Variants in DLG2 observed in about 807,000 individuals in gnomAD.
DLG2 encodes the protein discs large MAGUK scaffold protein 2, also known as disks large homolog 2.
A neutral mutation model predicts 132.5 loss-of-function variants in DLG2; 45 were observed. That is an observed-to-expected ratio of 0.34 (90% CI 0.27 to 0.44). DLG2 has a LOEUF of 0.44. DLG2 is among the 20% of genes least tolerant of loss of function. The pLI, the probability that DLG2 is intolerant of heterozygous loss-of-function variation, is 1.00. For synonymous variants in DLG2, 424 were observed against 419.6 expected (o/e 1.01, Z -0.13); for missense variants, 1,045 against 1,196.9 (o/e 0.87, Z 1.87).
chr11:85,296,467 C>CTTTTTTTTTTTTTTTTTTTATTTTT (rs66526147), intron 3 of DLG2, among the ~76,000 whole-genome samples: 3 of 121,556 alleles, frequency 2.5e-5, no homozygotes, highest in African/African-American at 6.2e-5. Flanking sequence ...TTTCGATTTT[C>CTTTTTTTTTTTTTTTTTTTATTTTT]TTTTTTTTTT....
intron 7 of DLG2, among the ~76,000 whole-genome samples, chr11:84,389,796 G>T (rs971716334): frequency 9.2e-5 from 14 of 152,112 alleles, no homozygotes; most frequent in African/African-American, 3.4e-4. Flanking sequence ...AGTAAGAAAT[G>T]CAGCTAGCTC....
intron 6 of DLG2, among the ~76,000 whole-genome samples, chr11:84,616,754 T>C (rs947902784): frequency 3.3e-5 from 5 of 152,100 alleles, no homozygotes; most frequent in African/African-American, 9.7e-5. Flanking sequence ...TGAAGACAAA[T>C]GAAATCACTT....
chr11:84,283,718 C>T (rs1464919001), intron 7 of DLG2, among the ~76,000 whole-genome samples: 1 of 152,096 alleles, frequency 6.6e-6, no homozygotes, highest in African/African-American at 2.4e-5. Context: ...TTTTCTTCCT[C>T]CTCCACTAAA....
At chr11:84,459,140 A>G (rs1487734912) in intron 7 of DLG2, among the ~76,000 whole-genome samples, 2 of 150,522 alleles carry the variant, frequency 1.3e-5, no homozygotes, top group Non-Finnish European at 3.0e-5. Flanking sequence ...TGTCAATTTT[A>G]TGAACACTAT....
At chr11:85,388,659 G>T (rs1565416931) in intron 3 of DLG2, among the ~76,000 whole-genome samples, 1 of 152,174 alleles carries the variant, frequency 6.6e-6, no homozygotes, top group Admixed American at 6.5e-5. Context: ...CCTGAAGACA[G>T]ATCATATCAC....
chr11:84,128,239 T>C (rs2094266532), intron 9 of DLG2, among the ~76,000 whole-genome samples: 1 of 152,160 alleles, frequency 6.6e-6, no homozygotes, highest in Admixed American at 6.6e-5. Flanking sequence ...AAAGGCCTTT[T>C]GTAACCAATA....
At chr11:84,223,701 C>G (rs575555483) in intron 8 of DLG2, among the ~76,000 whole-genome samples, 15 of 152,120 alleles carry the variant, frequency 9.9e-5, no homozygotes, top group Admixed American at 9.8e-4. Context: ...GGACTACAGG[C>G]GCATGTCACC....
chr11:85,615,160 A>G (rs1300451437), intron 2 of DLG2, among the ~76,000 whole-genome samples: 1 of 152,220 alleles, frequency 6.6e-6, no homozygotes, highest in East Asian at 1.9e-4. Flanking sequence ...AATTTTCTAT[A>G]AACTTGTTAA....
chr11:83,917,698 C>A (rs1157812741), intron 15 of DLG2, among the ~76,000 whole-genome samples: 1 of 152,148 alleles, frequency 6.6e-6, no homozygotes, highest in African/African-American at 2.4e-5. Context: ...AATGTGAACT[C>A]TTCCTTTGAG....
intron 6 of DLG2, among the ~76,000 whole-genome samples, chr11:85,058,555 G>A (rs1432249537): frequency 6.6e-6 from 1 of 151,328 alleles, no homozygotes; most frequent in Admixed American, 6.6e-5. Flanking sequence ...AAATGTATAT[G>A]GAAATGCAAA....
intron 19 of DLG2, among the ~76,000 whole-genome samples, chr11:83,571,351 A>AC (rs1202521367): frequency 8.6e-5 from 13 of 151,864 alleles, no homozygotes; most frequent in African/African-American, 2.9e-4. Context: ...AATTAAAAAA[A>AC]AAATCTGGCC....
chr11:84,312,431 G>A (rs2154390170), intron 7 of DLG2, among the ~76,000 whole-genome samples: 1 of 152,224 alleles, frequency 6.6e-6, no homozygotes, highest in Non-Finnish European at 1.5e-5. Flanking sequence ...GTGAAATGAG[G>A]TGGCACCATG....
At chr11:84,139,488 G>A (rs1323429515) in intron 9 of DLG2, among the ~76,000 whole-genome samples, 1 of 151,420 alleles carries the variant, frequency 6.6e-6, no homozygotes, top group Non-Finnish European at 1.5e-5. Context: ...AATAGCAATT[G>A]GACTAGTAGT....
chr11:85,546,458 T>C (rs906095443), intron 3 of DLG2, among the ~76,000 whole-genome samples: 7 of 152,216 alleles, frequency 4.6e-5, no homozygotes, highest in South Asian at 2.1e-4. Flanking sequence ...CTGAGAAGAA[T>C]GTATATTCTG....
At chr11:84,714,595 TTCTTTCTCTTTC>T (rs1164656382) in intron 6 of DLG2, among the ~76,000 whole-genome samples, 6 of 103,918 alleles carry the variant, frequency 5.8e-5, no homozygotes, top group Non-Finnish European at 1.2e-4. Flanking sequence ...CTCTTTCTCT[TTCTTTCTCTTTC>T]TCTTTCTCTT....
chr11:85,459,673 T>G (rs1324920615), intron 3 of DLG2, among the ~76,000 whole-genome samples: 3 of 152,132 alleles, frequency 2.0e-5, no homozygotes, highest in Admixed American at 2.0e-4. Context: ...GAGATGCCCA[T>G]GTAGTGACTG....
intron 4 of DLG2, among the ~76,000 whole-genome samples, chr11:85,242,518 G>A (rs1385515094): frequency 6.6e-6 from 1 of 151,394 alleles, no homozygotes; most frequent in Non-Finnish European, 1.5e-5. Context: ...TGGAACTCCT[G>A]TTACTCAGGT....
intron 9 of DLG2, among the ~76,000 whole-genome samples, chr11:84,110,984 T>C (rs890611769): frequency 6.6e-6 from 1 of 152,214 alleles, no homozygotes; most frequent in Non-Finnish European, 1.5e-5. Context: ...GAAAAGTGCT[T>C]GACTCAGAGT....
chr11:84,545,189 G>A (rs2099387197), intron 6 of DLG2: 1 of 451,638 alleles, frequency 2.2e-6, no homozygotes, highest in African/African-American at 2.0e-5. Flanking sequence ...GAGCCTCCTT[G>A]GTTTCATGGT....
Sources: allele counts gnomAD v4.1 joint callset (sites outside exome capture counted in the v4.1 genomes callset), GRCh38; gene constraint gnomAD v4.1.1; transcripts MANE v1.5; gene names NCBI Gene and HGNC (gene_info 2026-07-23, HGNC 2026-07-21).